TYW1: variants seen among roughly 807,000 people sequenced by gnomAD.
The protein encoded by TYW1 is tRNA-yW synthesizing protein 1 homolog, also known as S-adenosyl-L-methionine-dependent tRNA 4-demethylwyosine synthase TYW1.
In TYW1, 46 loss-of-function variants were observed where a neutral mutation model predicts 96.2. The observed-to-expected ratio is 0.48, with a 90% CI of 0.38 to 0.61. The LOEUF (loss-of-function observed/expected upper bound fraction) is 0.61, where lower values mean the gene tolerates loss of function less well. Ranked by LOEUF, TYW1 falls within the 20% of genes least tolerant of loss-of-function variation. The pLI is 0.00. For synonymous variants in TYW1, 274 were observed against 323.0 expected, an observed-to-expected ratio of 0.85 and a Z score of 1.63; for missense variants, 684 against 909.6, an observed-to-expected ratio of 0.75 and a Z score of 3.19.
intron 12 of TYW1, 133 bp downstream of exon 12, chr7:67,098,851 T>G: frequency 2.0e-6 from 2 of 987,984 alleles, no homozygotes; most frequent in Non-Finnish European, 2.9e-6. Flanking sequence ...CTTTGGGAGG[T>G]GAAGATGGTC....
chr7:67,188,635 T>C (rs35064061), intron 14 of TYW1, among the ~76,000 whole-genome samples: 44,001 of 151,976 alleles, frequency 0.29, 7,064 homozygotes, highest in African/African-American at 0.43. Context: ...AGGGAAAAAC[T>C]TACCCACGGA....
intron 13 of TYW1, among the ~76,000 whole-genome samples, chr7:67,174,829 C>T (rs1054968830): frequency 2.0e-5 from 3 of 151,784 alleles, no homozygotes; most frequent in Non-Finnish European, 2.9e-5. Context: ...GAAAATGAAA[C>T]ATCACTATAG....
intron 3 of TYW1, among the ~76,000 whole-genome samples, chr7:67,004,330 T>A (rs1364111077): frequency 6.6e-6 from 1 of 152,136 alleles, no homozygotes; most frequent in Non-Finnish European, 1.5e-5. Context: ...AGATCCCTCC[T>A]GAATAGATGA....
At chr7:67,024,864 T>A in intron 6 of TYW1, 36 bp from the exon 7 acceptor site, 18 of 1,612,522 alleles carry the variant, frequency 1.1e-5, no homozygotes, top group Non-Finnish European at 1.5e-5. Flanking sequence ...CCTTTGCCCC[T>A]TTGAACAATG....
In TYW1 at chr7:67,009,516, CAG is replaced by C. The variant is rs1793716661; in HGVS notation, c.274-66_274-65del. 6 of 1,390,892 alleles carry C rather than the reference CAG, an allele frequency of 4.3e-6. No homozygotes were observed. The East Asian group carries it at 1.2e-4, about 27-fold the overall frequency. The allele number at this position is 1,390,892 out of a possible 1,614,324, so 86.2% of individuals were successfully genotyped here. A position where few individuals can be genotyped will look rare whatever the true frequency, so the allele number is the denominator to read the frequency against. Reference sequence around the variant, plus strand: ...GAGGAATGCCACATTCTTGTGCCAACAGGGGTAATGAGGGTTATATTTGGCTC... The same window carrying C: ...GAGGAATGCCACATTCTTGTGCCAACGGGTAATGAGGGTTATATTTGGCTC... On this transcript the variant is annotated intron_variant, in intron 3 of 15. Transcript: ENST00000359626.
chr7:67,187,133 G>A (rs1254335337), intron 14 of TYW1, among the ~76,000 whole-genome samples: 9 of 146,090 alleles, frequency 6.2e-5, no homozygotes, highest in African/African-American at 7.7e-5. Flanking sequence ...GCACAATCTC[G>A]GTTCACTGCA....
chr7:67,078,724 G>A (rs1225155431), intron 10 of TYW1, among the ~76,000 whole-genome samples: 5 of 151,034 alleles, frequency 3.3e-5, no homozygotes, highest in Non-Finnish European at 5.9e-5. Flanking sequence ...ACAGAGTCTC[G>A]CTCTGTCACC....
intron 15 of TYW1, among the ~76,000 whole-genome samples, chr7:67,229,989 T>C (rs769820907): frequency 7.2e-5 from 11 of 152,124 alleles, no homozygotes; most frequent in Non-Finnish European, 1.2e-4. Context: ...CTTTGCAGTT[T>C]CCTTGAGAAA....
At chr7:67,172,554 G>T (rs1799548871) in intron 13 of TYW1, among the ~76,000 whole-genome samples, 1 of 151,828 alleles carries the variant, frequency 6.6e-6, no homozygotes, top group East Asian at 1.9e-4. Flanking sequence ...CCGAGTAGCT[G>T]GGATTACAGG....
At chr7:67,088,160 T>G (rs1346067260) in intron 11 of TYW1, among the ~76,000 whole-genome samples, 1 of 152,182 alleles carries the variant, frequency 6.6e-6, no homozygotes, top group Non-Finnish European at 1.5e-5. Flanking sequence ...CCACCGTGTC[T>G]GGCTCTCATT....
chr7:67,026,433 T>C (rs1014618070), intron 7 of TYW1, among the ~76,000 whole-genome samples: 1 of 152,174 alleles, frequency 6.6e-6, no homozygotes, highest in African/African-American at 2.4e-5. Context: ...TTTAAAACAT[T>C]CCTGAATGGC....
At chr7:67,096,398 A>G (rs1325236436) in intron 11 of TYW1, among the ~76,000 whole-genome samples, 4 of 152,074 alleles carry the variant, frequency 2.6e-5, no homozygotes, top group African/African-American at 9.7e-5. Flanking sequence ...AAAACAAACA[A>G]ACAAACAAAC....
At chr7:67,102,950 C>T (rs1420092949) in intron 12 of TYW1, among the ~76,000 whole-genome samples, 6 of 152,186 alleles carry the variant, frequency 3.9e-5, no homozygotes, top group Admixed American at 2.6e-4. Context: ...CGCCCGGTCA[C>T]GCTTTTGGAT....
chr7:67,234,568 C>T (rs888415471), intron 15 of TYW1, among the ~76,000 whole-genome samples: 1 of 152,026 alleles, frequency 6.6e-6, no homozygotes, highest in Non-Finnish European at 1.5e-5. Flanking sequence ...TTCAGTCCCC[C>T]ACACTATGGC....
chr7:67,025,337 A>G (rs957873019), intron 7 of TYW1, among the ~76,000 whole-genome samples: 1 of 150,984 alleles, frequency 6.6e-6, no homozygotes, highest in African/African-American at 2.4e-5. Context: ...TGGGCTACAC[A>G]TAAAATACAC....
chr7:67,112,632 G>A (rs199666628), intron 12 of TYW1, among the ~76,000 whole-genome samples: 7 of 145,576 alleles, frequency 4.8e-5, no homozygotes, highest in Non-Finnish European at 1.1e-4. Flanking sequence ...AAAAAAAAAA[G>A]AAAACAAAAG....
chr7:67,066,264 C>T (rs1276690690), intron 9 of TYW1, among the ~76,000 whole-genome samples: 1 of 152,156 alleles, frequency 6.6e-6, no homozygotes, highest in African/African-American at 2.4e-5. Flanking sequence ...ACCTGTCTCA[C>T]ATAACCTCCT....
intron 13 of TYW1, among the ~76,000 whole-genome samples, chr7:67,134,945 CAAAAAAAAAAAA>C (rs55746054): frequency 6.0e-5 from 4 of 66,342 alleles, no homozygotes; most frequent in African/African-American, 1.7e-4. Flanking sequence ...CTTTCTCTAC[CAAAAAAAAAAAA>C]AAAAAAAAAA....
intron 10 of TYW1, among the ~76,000 whole-genome samples, chr7:67,073,853 C>T (rs569253659): frequency 1.2e-4 from 18 of 148,152 alleles, no homozygotes; most frequent in Admixed American, 3.4e-4. Flanking sequence ...GAGGCTGAGG[C>T]GGGCAGATCA....
Sources: allele counts gnomAD v4.1 joint callset (sites outside exome capture counted in the v4.1 genomes callset), GRCh38; gene constraint gnomAD v4.1.1; transcripts MANE v1.5; gene names NCBI Gene and HGNC (gene_info 2026-07-23, HGNC 2026-07-21).